Variants in SETBP1 observed in about 807,000 individuals in gnomAD.
SETBP1 encodes SET binding protein 1.
Under a neutral mutation model 101.0 loss-of-function variants are expected in SETBP1, and 9 were observed. That is an observed-to-expected ratio of 0.09 (90% CI 0.05 to 0.16). The LOEUF (loss-of-function observed/expected upper bound fraction) is 0.16. SETBP1 is among the 10% of genes least tolerant of loss of function. The pLI is 1.00. For missense variants in SETBP1, 1,858 were observed against 2,033.8 expected (o/e 0.91, Z 1.66); for synonymous variants, 818 against 788.5 (o/e 1.04, Z -0.63).
At chr18:45,029,738 T>C (rs1429011149) in intron 4 of SETBP1, among the ~76,000 whole-genome samples, 1 of 152,186 alleles carries the variant, frequency 6.6e-6, no homozygotes, top group Non-Finnish European at 1.5e-5. Context: ...CACTTGTAAG[T>C]TGGATTCCTA....
At chr18:44,735,842 C>T (rs567593059) in intron 2 of SETBP1, among the ~76,000 whole-genome samples, 1 of 152,306 alleles carries the variant, frequency 6.6e-6, no homozygotes, top group East Asian at 1.9e-4. Context: ...CAAGGAAACT[C>T]ATCAGAAAGA....
intron 2 of SETBP1, among the ~76,000 whole-genome samples, chr18:44,746,262 G>A (rs2070244232): frequency 6.6e-6 from 1 of 152,216 alleles, no homozygotes; most frequent in East Asian, 1.9e-4. Context: ...GGAGAGAAAG[G>A]AGTGGATCTG....
intron 3 of SETBP1, among the ~76,000 whole-genome samples, chr18:44,897,769 T>G (rs948359145): frequency 3.9e-5 from 6 of 152,126 alleles, no homozygotes; most frequent in Non-Finnish European, 7.4e-5. Context: ...GGAAGACAGC[T>G]CTAGTGCTAA....
chr18:44,939,856 C>G (rs530066114), intron 3 of SETBP1, among the ~76,000 whole-genome samples: 1 of 152,114 alleles, frequency 6.6e-6, no homozygotes, highest in Non-Finnish European at 1.5e-5. Flanking sequence ...TGCTTGTTAC[C>G]GGCACAGCAT....
intron 4 of SETBP1, among the ~76,000 whole-genome samples, chr18:45,033,941 C>G (rs1293709850): frequency 2.0e-5 from 3 of 152,162 alleles, no homozygotes; most frequent in East Asian, 3.8e-4. Context: ...AGCCATCCCA[C>G]AAAGATTTTT....
In SETBP1 at chr18:45,062,835, AT is replaced by A. The variant is rs1271335334; in HGVS notation, c.4172-242del. Among the ~76,000 whole-genome samples the A allele has an allele frequency of 2.0e-5, 3 of 152,318 alleles. No individual in the cohort carries two copies. The East Asian group carries it at 5.8e-4, about 29-fold the overall frequency. The stretch of plus-strand genomic sequence containing the variant: ...AACGGAAGCAACAATATTTCACATA[AT>A]TGTTGGGAGGACTGAAATCATGTCA... On this transcript the variant is annotated intron_variant, in intron 5 of 5. Coordinates refer to ENST00000649279, the MANE Select transcript of SETBP1 (RefSeq NM_015559.3).
At chr18:44,706,092 G>C (rs773643549) in intron 2 of SETBP1, among the ~76,000 whole-genome samples, 8 of 152,118 alleles carry the variant, frequency 5.3e-5, no homozygotes, top group Non-Finnish European at 1.2e-4. Flanking sequence ...AAGCTACTTC[G>C]GGGCCTCTGA....
chr18:44,983,698 C>A (rs1299414290), intron 4 of SETBP1, among the ~76,000 whole-genome samples: 1 of 152,214 alleles, frequency 6.6e-6, no homozygotes, highest in Non-Finnish European at 1.5e-5. Flanking sequence ...TTGGCAACAG[C>A]CATGAGCCCA....
At chr18:45,005,878 C>T (rs1205515635) in intron 4 of SETBP1, among the ~76,000 whole-genome samples, 3 of 150,988 alleles carry the variant, frequency 2.0e-5, no homozygotes, top group Non-Finnish European at 4.4e-5. Flanking sequence ...AATCTCCTGA[C>T]CTCATGATCT....
chr18:44,982,330 C>G (rs573658562), intron 4 of SETBP1, among the ~76,000 whole-genome samples: 1 of 152,366 alleles, frequency 6.6e-6, no homozygotes, highest in African/African-American at 2.4e-5. Context: ...ATCCACACAC[C>G]TTGGCTTCCT....
In SETBP1 at chr18:44,891,739, G is replaced by A. The variant is rs144735163; in HGVS notation, c.540+22456G>A. Among the ~76,000 whole-genome samples the A allele has an allele frequency of 1.1e-4, 16 of 152,002 alleles. No individual in the cohort carries two copies. In the East Asian group the frequency reaches 1.7e-3, roughly 17 times the overall value. ...GCTTAGTCTTCTACTGTTCCTTTCC[G>A]TCTTTATCTGACCAATTCAGAGTCC... On this transcript the variant is annotated intron_variant, in intron 3 of 5. Coordinates refer to ENST00000649279, the MANE Select transcript of SETBP1 (RefSeq NM_015559.3).
intron 4 of SETBP1, among the ~76,000 whole-genome samples, chr18:44,972,213 C>T (rs2071880660): frequency 6.6e-6 from 1 of 152,152 alleles, no homozygotes; most frequent in African/African-American, 2.4e-5. Context: ...TCTGAGGGCT[C>T]TGTCCTGTTC....
At chr18:44,779,754 T>A (rs1438563366) in intron 2 of SETBP1, among the ~76,000 whole-genome samples, 1 of 152,036 alleles carries the variant, frequency 6.6e-6, no homozygotes, top group Non-Finnish European at 1.5e-5. Flanking sequence ...AAGGGGAGGC[T>A]CCTTAATTGT....
At chr18:45,042,444 A>G (rs2073528365) in intron 5 of SETBP1, among the ~76,000 whole-genome samples, 1 of 152,202 alleles carries the variant, frequency 6.6e-6, no homozygotes, top group Non-Finnish European at 1.5e-5. Context: ...TGACAATTAA[A>G]TGGAAATCAT....
chr18:44,828,274 C>T (rs1281719166), intron 2 of SETBP1, among the ~76,000 whole-genome samples: 2 of 152,160 alleles, frequency 1.3e-5, no homozygotes, highest in South Asian at 2.1e-4. Context: ...TGTTGAAATG[C>T]GGTGAAACAG....
At chr18:44,704,940 C>T (rs1369063173) in intron 2 of SETBP1, among the ~76,000 whole-genome samples, 2 of 152,106 alleles carry the variant, frequency 1.3e-5, no homozygotes, top group African/African-American at 2.4e-5. Context: ...ACACTAGGAG[C>T]TAGAAAGGAA....
chr18:45,030,505 T>C (rs2073272104), intron 4 of SETBP1, among the ~76,000 whole-genome samples: 1 of 139,844 alleles, frequency 7.2e-6, no homozygotes, highest in Non-Finnish European at 1.5e-5. Context: ...GGCTTTGGTA[T>C]CAGGATGATG....
At chr18:44,876,357 C>A (rs747533896) in intron 3 of SETBP1, among the ~76,000 whole-genome samples, 1 of 152,160 alleles carries the variant, frequency 6.6e-6, no homozygotes, top group African/African-American at 2.4e-5. Flanking sequence ...ACCCCCACAC[C>A]CCTATTTTAA....
At chr18:44,797,648 G>T (rs1345221695) in intron 2 of SETBP1, among the ~76,000 whole-genome samples, 1 of 152,166 alleles carries the variant, frequency 6.6e-6, no homozygotes, top group Non-Finnish European at 1.5e-5. Context: ...CTGCAAAACA[G>T]AGTCCTGCTC....
Sources: allele counts gnomAD v4.1 joint callset (sites outside exome capture counted in the v4.1 genomes callset), GRCh38; gene constraint gnomAD v4.1.1; transcripts MANE v1.5; gene names NCBI Gene and HGNC (gene_info 2026-07-23, HGNC 2026-07-21).